POLN: variants seen among roughly 807,000 people sequenced by gnomAD.
POLN encodes the protein DNA polymerase nu.
In POLN, 108 loss-of-function variants were observed where a neutral mutation model predicts 113.5. The observed-to-expected ratio is 0.95, with a 90% CI of 0.81 to 1.12. The LOEUF (loss-of-function observed/expected upper bound fraction) is 1.12, where lower values mean the gene tolerates loss of function less well. Among genes scored for constraint, POLN ranks in the 50% most tolerant of loss-of-function variants. The pLI is 0.00. For missense variants in POLN, 1,097 were observed against 1,077.1 expected (o/e 1.02, Z -0.26); for synonymous variants, 386 against 391.5 (o/e 0.99, Z 0.17).
At chr4:2,220,199 A>C (rs1734221989) in intron 3 of POLN, among the ~76,000 whole-genome samples, 1 of 152,178 alleles carries the variant, frequency 6.6e-6, no homozygotes. Context: ...CTCCGTCAGC[A>C]GAGGGTGCTA....
chr4:2,109,295 T>C (rs1033298530), intron 19 of POLN, among the ~76,000 whole-genome samples: 4 of 152,142 alleles, frequency 2.6e-5, no homozygotes, highest in Non-Finnish European at 5.9e-5. Context: ...CCACACAGGG[T>C]CTAGGAAAAA....
intron 7 of POLN, among the ~76,000 whole-genome samples, chr4:2,188,294 C>T (rs1208444452): frequency 6.6e-6 from 1 of 152,138 alleles, no homozygotes; most frequent in Non-Finnish European, 1.5e-5. Context: ...AAAAGGAGTT[C>T]TTCAATCTGA....
intron 7 of POLN, among the ~76,000 whole-genome samples, chr4:2,182,372 G>A (rs960887028): frequency 2.0e-5 from 3 of 152,170 alleles, no homozygotes; most frequent in Non-Finnish European, 4.4e-5. Flanking sequence ...GTGACATATA[G>A]AGACATGCAG....
chr4:2,242,003 C>G, intron 1 of POLN, 48 bp downstream of exon 1: 1 of 985,594 alleles, frequency 1.0e-6, no homozygotes, highest in Non-Finnish European at 1.2e-6. Flanking sequence ...GCGGCCACTC[C>G]TCCAGCCCCA....
chr4:2,113,862 T>TAAC (rs745683571), intron 19 of POLN, among the ~76,000 whole-genome samples: 1 of 75,704 alleles, frequency 1.3e-5, no homozygotes. Flanking sequence ...CATTTCAAAA[T>TAAC]AATAATAATA....
intron 3 of POLN, among the ~76,000 whole-genome samples, chr4:2,225,027 A>G (rs1423039849): frequency 6.6e-6 from 1 of 152,204 alleles, no homozygotes; most frequent in Non-Finnish European, 1.5e-5. Flanking sequence ...GGAATTTTTC[A>G]GCTCCATTAT....
In POLN at chr4:2,075,436, T is replaced by C. The variant is rs564108930; in HGVS notation, c.2455+16A>G. On this transcript the variant is annotated intron_variant, in intron 24 of 25. Coordinates refer to ENST00000511885, the MANE Select transcript of POLN (RefSeq NM_181808.4). ...TGTCTGTGATGTCCAAGCAACCCTG[T>C]GTTGCCCCAGGCTACCTGCACACTC... is the stretch of plus-strand genomic sequence containing the variant. 5 of 1,612,968 alleles carry C rather than the reference T, an allele frequency of 3.1e-6. No homozygotes were observed. Among genetic ancestry groups the C allele is most frequent in the Non-Finnish European group, 8.5e-7 (1 of 1,179,796 alleles).
At chr4:2,238,743 G>T in intron 2 of POLN, 1 of 1,613,716 alleles carries the variant, frequency 6.2e-7, no homozygotes, top group South Asian at 1.1e-5. Context: ...TTTTCAAGTT[G>T]ACGATATATG....
intron 7 of POLN, among the ~76,000 whole-genome samples, chr4:2,187,737 A>G (rs79995712): frequency 0.019 from 2,949 of 152,054 alleles, 109 homozygotes; most frequent in African/African-American, 0.068. Context: ...AACAAATAAC[A>G]TATAAAGGAG....
chr4:2,173,443 C>T (rs1732914156), intron 11 of POLN, among the ~76,000 whole-genome samples: 1 of 149,026 alleles, frequency 6.7e-6, no homozygotes, highest in Non-Finnish European at 1.5e-5. Context: ...CTATCAAACA[C>T]TGAATTTATT....
rs1348175191 is a variant in POLN at position 2,113,963 on chromosome 4, G to A, written c.1982+14150C>T. 8.0e-5 allele frequency among the ~76,000 whole-genome samples: 12 copies of A among 150,398 alleles called. No homozygotes were observed. In the East Asian group the frequency reaches 1.6e-3, roughly 19 times the overall value. On this transcript the variant is annotated intron_variant, in intron 19 of 25. Transcript: ENST00000511885. ...CACCCAGTCTGAAGTGCAATGGTGC[G>A]ATCACAGCTCACTGCAGCCTCAACC...
intron 24 of POLN, among the ~76,000 whole-genome samples, chr4:2,074,215 TGTG>T (rs1730222687): frequency 6.6e-6 from 1 of 152,148 alleles, no homozygotes; most frequent in East Asian, 1.9e-4. Flanking sequence ...GAGCGCTCCC[TGTG>T]GGGCCCTCGG....
At chr4:2,099,328 C>A (rs1328486739) in intron 19 of POLN, among the ~76,000 whole-genome samples, 1 of 152,180 alleles carries the variant, frequency 6.6e-6, no homozygotes, top group Non-Finnish European at 1.5e-5. Context: ...CCAGGTGACC[C>A]AGGTCAGCAT....
intron 9 of POLN, among the ~76,000 whole-genome samples, chr4:2,174,973 C>A (rs927642317): frequency 6.6e-6 from 1 of 152,012 alleles, no homozygotes; most frequent in South Asian, 2.1e-4. Flanking sequence ...CAGGCACCCC[C>A]CACCATGCCA....
Position 2,072,138 on chromosome 4 carries a change from A to G in POLN, c.2679T>C (p.His893=), listed in dbSNP as rs1186985880. The G allele has an allele frequency of 1.3e-6, 2 of 1,578,616 alleles. No individual in the cohort carries two copies. Among genetic ancestry groups the G allele is most frequent in the African/African-American group, 2.7e-5 (2 of 74,068 alleles). Residue 893 remains histidine (H), a synonymous_variant, in exon 26 of 26, where the codon CAT becomes CAC. Transcript: ENST00000511885. ...GCTACAGACAAAATGAAGGCGAAAA[A>G]TGCAGGGGTGGGGGCTGGGTGCTGG... The part of the protein sequence containing the change: ...SPASTQPPPL[H]FSPSFCL
At chr4:2,119,223 A>G (rs1266385382) in intron 19 of POLN, among the ~76,000 whole-genome samples, 1 of 152,238 alleles carries the variant, frequency 6.6e-6, no homozygotes, top group Non-Finnish European at 1.5e-5. Context: ...AGTTCTTCTA[A>G]GTTTCAGTCT....
chr4:2,162,097 A>G (rs1732610218), intron 13 of POLN, among the ~76,000 whole-genome samples: 1 of 152,202 alleles, frequency 6.6e-6, no homozygotes, highest in Non-Finnish European at 1.5e-5. Flanking sequence ...CCGAGCCAGC[A>G]GCGGCAACCC....
Position 2,093,377 on chromosome 4 carries a change from C to T in POLN, c.2065+2474G>A, listed in dbSNP as rs563260917. ...GAAGTGAAGTAGGACTCAGACGTAA[C>T]GGCAGATGACAGAGATGAGAGCTGA... On this transcript the variant is annotated intron_variant, in intron 20 of 25. Coordinates refer to ENST00000511885, the MANE Select transcript of POLN (RefSeq NM_181808.4). The surrounding 1 kb of genome is among the most constrained non-coding windows in gnomAD (Gnocchi z 4.1). 2.8e-3 allele frequency among the ~76,000 whole-genome samples: 424 copies of T among 152,314 alleles called. 3 individuals are homozygous for T. Among genetic ancestry groups the T allele is most frequent in the African/African-American group, 9.4e-3 (391 of 41,566 alleles).
chr4:2,191,664 A>T (rs10010063), intron 7 of POLN, among the ~76,000 whole-genome samples: 37,273 of 152,068 alleles, frequency 0.25, 7,024 homozygotes, highest in African/African-American at 0.51. Context: ...AGAATAAAAG[A>T]TTATTGGTTA....
Sources: gnomAD v4.1 joint callset for allele counts (sites outside exome capture counted in the v4.1 genomes callset) on GRCh38, gnomAD v4.1.1 for gene constraint, Gnocchi (gnomAD v3.1) non-coding constraint, MANE v1.5 for transcripts, NCBI Gene and HGNC (gene_info 2026-07-23, HGNC 2026-07-21) for gene names.